RAPGEF1: variants seen among roughly 807,000 people sequenced by gnomAD.
RAPGEF1 encodes Rap guanine nucleotide exchange factor 1.
A neutral mutation model predicts 143.3 loss-of-function variants in RAPGEF1; 33 were observed. That is an observed-to-expected ratio of 0.23 (90% CI 0.17 to 0.31). The LOEUF is 0.31. Among genes scored for constraint, RAPGEF1 ranks in the 10% least tolerant of loss-of-function variants. The pLI is 1.00. For missense variants in RAPGEF1, 1,199 were observed against 1,645.4 expected (o/e 0.73, Z 4.69); for synonymous variants, 629 against 676.5 (o/e 0.93, Z 1.09).
At chr9:131,730,713 AAAAAAG>A (rs1485678026) in intron 1 of RAPGEF1, among the ~76,000 whole-genome samples, 40 of 143,604 alleles carry the variant, frequency 2.8e-4, no homozygotes, top group African/African-American at 9.6e-4. Context: ...AAAAAAAAAA[AAAAAAG>A]AAGAAGAACC....
intron 12 of RAPGEF1, among the ~76,000 whole-genome samples, chr9:131,613,990 C>T (rs917927716): frequency 6.6e-6 from 1 of 152,162 alleles, no homozygotes; most frequent in South Asian, 2.1e-4. Context: ...ACGTGAGCTA[C>T]GCCAGGCCAA....
chr9:131,722,158 CGT>C (rs1836312389), intron 1 of RAPGEF1, among the ~76,000 whole-genome samples: 1 of 152,104 alleles, frequency 6.6e-6, no homozygotes, highest in East Asian at 1.9e-4. Context: ...CATAGAGAGA[CGT>C]GTTAATGATA....
chr9:131,632,267 T>G (rs1451231878), intron 5 of RAPGEF1, among the ~76,000 whole-genome samples: 3 of 151,232 alleles, frequency 2.0e-5, no homozygotes, highest in Non-Finnish European at 4.4e-5. Flanking sequence ...TAGCTGGGAC[T>G]ACAGGCACCT....
intron 22 of RAPGEF1, among the ~76,000 whole-genome samples, chr9:131,585,467 C>A (rs145656281): frequency 6.6e-6 from 1 of 152,338 alleles, no homozygotes; most frequent in African/African-American, 2.4e-5. Context: ...AGATGTGAGC[C>A]ACTGCACTCG....
chr9:131,661,860 A>G (rs1974189988), intron 1 of RAPGEF1, among the ~76,000 whole-genome samples: 1 of 152,254 alleles, frequency 6.6e-6, no homozygotes, highest in Non-Finnish European at 1.5e-5. Flanking sequence ...ATAATAAAAG[A>G]TAACACCTAC....
chr9:131,656,433 G>A (rs1352661217), intron 1 of RAPGEF1, among the ~76,000 whole-genome samples: 1 of 152,186 alleles, frequency 6.6e-6, no homozygotes, highest in Non-Finnish European at 1.5e-5. Flanking sequence ...CACCAGGCAG[G>A]TTCCCAAGTC....
intron 1 of RAPGEF1, among the ~76,000 whole-genome samples, chr9:131,718,619 A>G (rs1373897826): frequency 6.6e-6 from 1 of 152,124 alleles, no homozygotes; most frequent in East Asian, 1.9e-4. Flanking sequence ...AGGCAAGGAC[A>G]CCCTCATTGT....
At position 131,650,746 on chromosome 9, in the gene RAPGEF1, A is replaced by G; in HGVS notation, c.201+64T>C. ...TCAATCCCCAGGGAGGGAACATACA[A>G]ATCGCACAAACTCATATTGCTGGAA... is the stretch of plus-strand genomic sequence containing the variant. On this transcript the variant is annotated intron_variant, in intron 2 of 26. Coordinates refer to ENST00000683357, the MANE Select transcript of RAPGEF1 (RefSeq NM_001377935.1). The surrounding 1 kb of genome is among the most constrained non-coding windows in gnomAD (Gnocchi z 4.7). 6.3e-7 allele frequency: 1 copy of G among 1,581,180 alleles called. No individual in the cohort carries two copies. Among genetic ancestry groups the G allele is most frequent in the Non-Finnish European group, 8.6e-7 (1 of 1,162,978 alleles).
chr9:131,660,241 T>C (rs184830482), intron 1 of RAPGEF1, among the ~76,000 whole-genome samples: 1 of 152,356 alleles, frequency 6.6e-6, no homozygotes, highest in East Asian at 1.9e-4. Flanking sequence ...AAGACTCTTT[T>C]GTTATGAAAA....
rs561829460 is a variant in RAPGEF1, at chr9:131,716,196, T to C, written c.61+23574A>G. ...CCCATCTTTCTTGTGCAACCTAATC[T>C]GCAAAACACAGGGGCTCAGAACCTG... On this transcript the variant is annotated intron_variant, in intron 1 of 26. Coordinates refer to ENST00000683357, the MANE Select transcript of RAPGEF1 (RefSeq NM_001377935.1). Among the ~76,000 whole-genome samples the C allele has an allele frequency of 1.8e-4, 28 of 152,294 alleles. No individual in the cohort carries two copies. The South Asian group carries it at 5.4e-3, about 29-fold the overall frequency.
intron 1 of RAPGEF1, chr9:131,709,740 AC>A: frequency 6.2e-7 from 1 of 1,612,146 alleles, no homozygotes; most frequent in Non-Finnish European, 8.5e-7. Flanking sequence ...CGGAGCAGCA[AC>A]TGAGGACCGA....
chr9:131,609,826 T>G (rs1208194467), intron 12 of RAPGEF1, among the ~76,000 whole-genome samples: 1 of 152,220 alleles, frequency 6.6e-6, no homozygotes, highest in Non-Finnish European at 1.5e-5. Flanking sequence ...CTCTCTATTA[T>G]AGTCCTGGCA....
intron 1 of RAPGEF1, among the ~76,000 whole-genome samples, chr9:131,726,782 C>G (rs553930898): frequency 6.6e-6 from 1 of 152,064 alleles, no homozygotes; most frequent in Admixed American, 6.6e-5. Flanking sequence ...CGTGTTAAAA[C>G]GCACAAAACT....
intron 1 of RAPGEF1, among the ~76,000 whole-genome samples, chr9:131,733,340 A>G (rs1357359039): frequency 8.6e-6 from 1 of 116,176 alleles, no homozygotes; most frequent in African/African-American, 3.3e-5. Context: ...CCAGAACTTA[A>G]AATTTAAAAA....
At chr9:131,653,473 G>C (rs1367920349) in intron 1 of RAPGEF1, among the ~76,000 whole-genome samples, 1 of 152,192 alleles carries the variant, frequency 6.6e-6, no homozygotes, top group African/African-American at 2.4e-5. Context: ...TAAAAGGCAT[G>C]TAACCCAATG....
At position 131,626,418 on chromosome 9, in the gene RAPGEF1, G is replaced by C; in HGVS notation, c.1206C>G (p.His402Gln). 1.3e-6 allele frequency: 2 copies of C among 1,581,752 alleles called. No individual in the cohort carries two copies. The highest frequency in any genetic ancestry group is 1.7e-6 in the Non-Finnish European group (2 of 1,160,028). The change falls in exon 10 of 27, where the codon CAC becomes CAG. Residue 402 changes from histidine to glutamine, a missense_variant. By Grantham distance (24) the His-to-Gln change is conservative. Coordinates refer to ENST00000683357, the MANE Select transcript of RAPGEF1 (RefSeq NM_001377935.1). Reference protein sequence around the residue: ...SRNTSCETLDHYDPDYEFLQQ... With the variant: ...SRNTSCETLDQYDPDYEFLQQ... ...GGAGGAATTCATAGTCGGGATCATA[G>C]TGGTCTGCAGTTACAACAGGGGAAA...
intron 4 of RAPGEF1, 147 bp downstream of exon 4, chr9:131,643,092 G>C (rs185202786): frequency 2.2e-5 from 19 of 856,646 alleles, no homozygotes; most frequent in Admixed American, 6.1e-5. Context: ...GGATAGTTGT[G>C]GGGGGAGTGG....
At chr9:131,682,379 C>T (rs182639443) in intron 1 of RAPGEF1, among the ~76,000 whole-genome samples, 65 of 152,332 alleles carry the variant, frequency 4.3e-4, no homozygotes, top group African/African-American at 1.5e-3. Context: ...CAGGCCATTC[C>T]ATCACCTCCG....
At chr9:131,739,050 G>A (rs1455474544) in intron 1 of RAPGEF1, among the ~76,000 whole-genome samples, 8 of 152,136 alleles carry the variant, frequency 5.3e-5, no homozygotes, top group Admixed American at 2.0e-4. Context: ...ATAAAGCCTG[G>A]GGCCCCACAG....
Sources: allele counts gnomAD v4.1 joint callset (sites outside exome capture counted in the v4.1 genomes callset), GRCh38; gene constraint gnomAD v4.1.1; non-coding constraint Gnocchi (gnomAD v3.1); transcripts MANE v1.5; gene names NCBI Gene and HGNC (gene_info 2026-07-23, HGNC 2026-07-21).